The following ARHGAP6 variants were observed in gnomAD, a reference collection of about 807,000 sequenced individuals.
The protein encoded by ARHGAP6 is rho GTPase-activating protein 6.
In ARHGAP6, 16 loss-of-function variants were observed where a neutral mutation model predicts 55.7. The observed-to-expected ratio is 0.29, with a 90% confidence interval of 0.19 to 0.44. ARHGAP6 has a LOEUF of 0.44. Ranked by LOEUF, ARHGAP6 falls within the 20% of genes least tolerant of loss-of-function variation. The pLI, the probability that ARHGAP6 is intolerant of heterozygous loss-of-function variation, is 1.00. For missense variants in ARHGAP6, 698 were observed against 808.9 expected (o/e 0.86, Z 1.66); for synonymous variants, 382 against 360.9 (o/e 1.06, Z -0.66).
chrX:11,466,313 T>A lies in ARHGAP6; in HGVS notation c.588+197928A>T, dbSNP rs1372349287. Among the ~76,000 whole-genome samples the A allele has an allele frequency of 2.5e-4, 28 of 110,936 alleles. No homozygotes were observed. The Admixed American group carries it at 2.7e-3, about 11-fold the overall frequency. On this transcript the variant is annotated intron_variant, in intron 1 of 12. Transcript: ENST00000337414. ...GAGGGAAATATTAAAATGACACAAG[T>A]CTAAGCCTTTGAAATAAACTATTTA...
intron 9 of ARHGAP6, among the ~76,000 whole-genome samples, chrX:11,161,429 T>G (rs1392818105): frequency 6.4e-5 from 7 of 109,303 alleles, no homozygotes; most frequent in Non-Finnish European, 1.3e-4. Context: ...TAAAAAAAAA[T>G]CTGACTGAGG....
chrX:11,568,154 GA>G (rs1004126764), intron 1 of ARHGAP6, among the ~76,000 whole-genome samples: 1 of 109,683 alleles, frequency 9.1e-6, no homozygotes, highest in Non-Finnish European at 1.9e-5. Flanking sequence ...GGAGGACCTG[GA>G]AAAAAAAAGT....
chrX:11,570,620 G>A (rs1166669223), intron 1 of ARHGAP6, among the ~76,000 whole-genome samples: 1 of 110,875 alleles, frequency 9.0e-6, no homozygotes, highest in East Asian at 2.8e-4. Flanking sequence ...TGGGGAATCA[G>A]GGCAAGTAAG....
chrX:11,174,692 A>G (rs903149154), intron 8 of ARHGAP6, among the ~76,000 whole-genome samples: 16 of 52,265 alleles, frequency 3.1e-4, no homozygotes, highest in African/African-American at 1.1e-3. Context: ...TCTTTCATTC[A>G]TTTATTTATT....
intron 1 of ARHGAP6, among the ~76,000 whole-genome samples, chrX:11,381,023 G>A (rs1176902877): frequency 1.8e-5 from 2 of 112,655 alleles, no homozygotes; most frequent in African/African-American, 6.4e-5. Flanking sequence ...CTAAAGCTTC[G>A]GTATGAGTAT....
chrX:11,495,384 A>C (rs971516080), intron 1 of ARHGAP6, among the ~76,000 whole-genome samples: 1 of 112,153 alleles, frequency 8.9e-6, no homozygotes, highest in South Asian at 3.7e-4. Flanking sequence ...ATCCTGATAA[A>C]TGAGACTTGA....
At chrX:11,656,251 C>G (rs944730661) in intron 1 of ARHGAP6, among the ~76,000 whole-genome samples, 6 of 112,429 alleles carry the variant, frequency 5.3e-5, no homozygotes, top group African/African-American at 1.6e-4. Context: ...TATGTTCCCT[C>G]TTAAATACAC....
At chrX:11,653,914 G>T (rs776454682) in intron 1 of ARHGAP6, among the ~76,000 whole-genome samples, 216 of 111,033 alleles carry the variant, frequency 1.9e-3, no homozygotes, top group South Asian at 0.012. Flanking sequence ...GTTGTTCTAA[G>T]AACACTAAAC....
At chrX:11,297,289 C>T (rs754995405) in intron 1 of ARHGAP6, among the ~76,000 whole-genome samples, 1 of 112,112 alleles carries the variant, frequency 8.9e-6, no homozygotes, top group South Asian at 3.7e-4. Context: ...AGGAGAGACT[C>T]CGCAGAACAG....
intron 8 of ARHGAP6, among the ~76,000 whole-genome samples, chrX:11,176,296 CATGCAT>C (rs2046218200): frequency 7.2e-5 from 1 of 13,908 alleles, no homozygotes; most frequent in Non-Finnish European, 1.6e-4. Flanking sequence ...TATGTATTTG[CATGCAT>C]ATATATATAT....
At position 11,660,530 on chromosome X, in the gene ARHGAP6, C is replaced by CAAA. The variant is rs56274949; in HGVS notation, c.588+3708_588+3710dup. Among the ~76,000 whole-genome samples the CAAA allele has an allele frequency of 5.1e-4, 14 of 27,303 alleles. 4 individuals carry two copies. The highest frequency in any genetic ancestry group is 3.7e-3 in the East Asian group (2 of 534). The allele number at this position is 27,303 out of a possible 115,157, so 23.7% of individuals were successfully genotyped here. On this transcript the variant is annotated intron_variant, in intron 1 of 12. Coordinates refer to ENST00000337414, the MANE Select transcript of ARHGAP6 (RefSeq NM_013427.3). ...CAACAGGGTGAGACTCTCTCTCTCT[C>CAAA]AAAAAAAAAAAAAAAAAAAAAAAAA...
At chrX:11,163,849 G>A (rs1442991503) in intron 9 of ARHGAP6, among the ~76,000 whole-genome samples, 2 of 111,063 alleles carry the variant, frequency 1.8e-5, no homozygotes, top group Non-Finnish European at 3.8e-5. Context: ...CAGGGCTCAT[G>A]GAACGATGTT....
intron 1 of ARHGAP6, among the ~76,000 whole-genome samples, chrX:11,596,103 C>G (rs2051898866): frequency 8.9e-6 from 1 of 112,035 alleles, no homozygotes; most frequent in African/African-American, 3.2e-5. Flanking sequence ...AACCATTCTA[C>G]TATAAAGACA....
chrX:11,274,053 T>C (rs1212042058), intron 1 of ARHGAP6, among the ~76,000 whole-genome samples: 2 of 111,294 alleles, frequency 1.8e-5, no homozygotes, highest in Non-Finnish European at 3.8e-5. Context: ...TCAGGGACCT[T>C]AGTCCTGAGT....
intron 1 of ARHGAP6, among the ~76,000 whole-genome samples, chrX:11,310,210 TA>T (rs34393222): frequency 1.7e-4 from 15 of 89,116 alleles, no homozygotes; most frequent in East Asian, 3.5e-4. Flanking sequence ...AGGATAGCTT[TA>T]AAAAAAAAAA....
intron 1 of ARHGAP6, among the ~76,000 whole-genome samples, chrX:11,502,486 T>C (rs1336886159): frequency 8.9e-6 from 1 of 112,065 alleles, no homozygotes; most frequent in Non-Finnish European, 1.9e-5. Flanking sequence ...TCTGCACCCA[T>C]TTCATACATT....
At chrX:11,201,099 A>G (rs1273490482) in intron 2 of ARHGAP6, among the ~76,000 whole-genome samples, 1 of 112,233 alleles carries the variant, frequency 8.9e-6, no homozygotes, top group Admixed American at 9.4e-5. Flanking sequence ...ATTACTATAT[A>G]TGTTATTCCT....
intron 1 of ARHGAP6, among the ~76,000 whole-genome samples, chrX:11,530,685 A>T (rs2051038682): frequency 8.9e-6 from 1 of 111,842 alleles, no homozygotes; most frequent in African/African-American, 3.2e-5. Context: ...ATCTTTTTTT[A>T]AAAATCCTTG....
chrX:11,382,665 A>T (rs1170662403), intron 1 of ARHGAP6, among the ~76,000 whole-genome samples: 1 of 111,259 alleles, frequency 9.0e-6, no homozygotes, highest in East Asian at 2.8e-4. Flanking sequence ...AAAGGTGTAG[A>T]TCCCCCAAAA....
Sources: allele counts gnomAD v4.1 joint callset (sites outside exome capture counted in the v4.1 genomes callset), GRCh38; gene constraint gnomAD v4.1.1; transcripts MANE v1.5; gene names NCBI Gene and HGNC (gene_info 2026-07-23, HGNC 2026-07-21).